MEI1: variants seen among roughly 807,000 people sequenced by gnomAD.
MEI1 encodes the protein meiosis inhibitor protein 1.
In MEI1, 103 loss-of-function variants were observed where a neutral mutation model predicts 146.2. That is an observed-to-expected ratio of 0.70 (90% CI 0.60 to 0.83). The LOEUF (loss-of-function observed/expected upper bound fraction) is 0.83. Among genes scored for constraint, MEI1 ranks in the 40% least tolerant of loss-of-function variants. MEI1 has a pLI of 0.00. For missense variants in MEI1, 1,529 were observed against 1,533.0 expected (o/e 1.00, Z 0.04); for synonymous variants, 652 against 628.2 (o/e 1.04, Z -0.57).
intron 6 of MEI1, among the ~76,000 whole-genome samples, chr22:41,719,301 C>T (rs1181060625): frequency 6.6e-6 from 1 of 152,062 alleles, no homozygotes; most frequent in East Asian, 1.9e-4. Context: ...ATTCTTATGC[C>T]TCAGCCTCCT....
intron 17 of MEI1, among the ~76,000 whole-genome samples, chr22:41,757,105 CTTTT>C (rs1396439549): frequency 6.6e-6 from 1 of 151,904 alleles, no homozygotes; most frequent in African/African-American, 2.4e-5. Flanking sequence ...TTCTTTCTTT[CTTTT>C]TTTGAGACGG....
At position 41,745,929 on chromosome 22, in the gene MEI1, C is replaced by T. The variant is rs913004878; in HGVS notation, c.1583C>T (p.Pro528Leu). The change falls in exon 14 of 31, where the codon CCA (proline) becomes CTA (leucine). Residue 528 changes from proline (P) to leucine (L), a missense_variant. Transcript: ENST00000401548. ...FQSEPSAQEN[P>L]FTAPSAKKED... is the part of the protein sequence containing the mutation. ...AGTGAGCCTTCAGCCCAGGAGAATC[C>T]ATTCACAGCTCCCAGCGCCAAGAAG... 3.7e-6 allele frequency: 6 copies of T among 1,613,358 alleles called. No homozygotes were observed. In the Admixed American group the frequency reaches 1.0e-4, roughly 27 times the overall value.
At chr22:41,768,764 G>C (rs986598620) in intron 19 of MEI1, among the ~76,000 whole-genome samples, 1 of 152,118 alleles carries the variant, frequency 6.6e-6, no homozygotes, top group Non-Finnish European at 1.5e-5. Flanking sequence ...AACAGCAACG[G>C]GGAGGTCCAC....
At chr22:41,730,727 C>T in intron 9 of MEI1, 90 bp downstream of exon 9, 7 of 797,608 alleles carry the variant, frequency 8.8e-6, no homozygotes, top group Non-Finnish European at 1.6e-5. Context: ...GGCTAGCCTC[C>T]ACCTTGGAGG....
chr22:41,786,275 G>A (rs1761379572), intron 26 of MEI1, among the ~76,000 whole-genome samples: 1 of 152,104 alleles, frequency 6.6e-6, no homozygotes, highest in Non-Finnish European at 1.5e-5. Flanking sequence ...CGAACTCCTG[G>A]CCTCAAGTGA....
At chr22:41,783,268 C>T (rs559218028) in intron 24 of MEI1, among the ~76,000 whole-genome samples, 1 of 152,164 alleles carries the variant, frequency 6.6e-6, no homozygotes, top group South Asian at 2.1e-4. Flanking sequence ...CCCCCCTCAC[C>T]CCCGACACAC....
intron 11 of MEI1, among the ~76,000 whole-genome samples, chr22:41,735,461 C>T (rs912028683): frequency 2.0e-5 from 3 of 151,968 alleles, no homozygotes; most frequent in African/African-American, 7.3e-5. Flanking sequence ...CTCGAACTGC[C>T]GACCTCAGGT....
intron 20 of MEI1, among the ~76,000 whole-genome samples, chr22:41,771,189 T>C (rs1463396810): frequency 6.6e-6 from 1 of 152,208 alleles, no homozygotes; most frequent in Non-Finnish European, 1.5e-5. Flanking sequence ...AACTGAGAGA[T>C]GTGTGCCTCT....
chr22:41,729,076 A>G (rs2071616271), intron 7 of MEI1, among the ~76,000 whole-genome samples: 1 of 148,368 alleles, frequency 6.7e-6, no homozygotes, highest in Middle Eastern at 3.5e-3. Context: ...AGGCAGAAGA[A>G]TCGCTTGAAC....
chr22:41,778,222 G>A (rs1225248957), intron 21 of MEI1, among the ~76,000 whole-genome samples: 1 of 152,142 alleles, frequency 6.6e-6, no homozygotes, highest in African/African-American at 2.4e-5. Context: ...TCTTTCAAAA[G>A]GCCACTCATC....
At chr22:41,760,076 G>A (rs1273377218) in intron 18 of MEI1, among the ~76,000 whole-genome samples, 3 of 152,080 alleles carry the variant, frequency 2.0e-5, no homozygotes, top group Admixed American at 1.3e-4. Flanking sequence ...TTGGGAGGCC[G>A]AGATGGGTGG....
At chr22:41,723,826 T>A (rs188513418) in intron 6 of MEI1, 117 bp from the exon 7 acceptor site, 3 of 1,282,214 alleles carry the variant, frequency 2.3e-6, no homozygotes, top group East Asian at 5.1e-5. Flanking sequence ...TTCTAACCAT[T>A]CTTCATATTT....
intron 20 of MEI1, among the ~76,000 whole-genome samples, chr22:41,773,983 G>T (rs1244874026): frequency 6.6e-6 from 1 of 152,206 alleles, no homozygotes; most frequent in Non-Finnish European, 1.5e-5. Context: ...AGGAAAAAGA[G>T]TCTAAAAATT....
intron 26 of MEI1, among the ~76,000 whole-genome samples, chr22:41,789,181 G>A (rs9607840): frequency 0.082 from 12,400 of 152,022 alleles, 1,393 homozygotes; most frequent in African/African-American, 0.26. Context: ...GCGTGGTGGC[G>A]CGCACCTGTA....
rs1184210752 is a variant in MEI1 at position 41,705,536 on chromosome 22, A to T, written c.331A>T (p.Thr111Ser). ...ATGCAGCATGGAAGATGGGAGTGTG[A>T]CAGACCTCTGTATTGAAGGTAAGTT... ...LLCSMEDGSV[T>S]DLCIEVLIQI... The change falls in exon 3 of 31, where the codon ACA becomes TCA. Residue 111 changes from threonine to serine, a missense_variant. This residue lies in a region of MEI1 where 1,212 missense variants were observed against 1,178.9 expected (regional missense o/e 1.03). Transcript: ENST00000401548. The T allele has an allele frequency of 6.2e-7, 1 of 1,613,600 alleles. No homozygotes were observed. The highest frequency in any genetic ancestry group is 1.1e-5 in the South Asian group (1 of 91,076).
rs2070379511 is a variant in MEI1, at chr22:41,718,066, G to T, written c.530-5G>T. The T allele has an allele frequency of 6.3e-7, 1 of 1,590,942 alleles. No individual in the cohort carries two copies. Among genetic ancestry groups the T allele is most frequent in the Non-Finnish European group, 8.6e-7 (1 of 1,166,788 alleles). ...CCCTTGGCTCCTTGGTTGTTTTCTG[G>T]ACAGGCAACCTGATGGAGCATCTGT... On this transcript the variant is annotated splice_polypyrimidine_tract_variant and splice_region_variant and intron_variant, in intron 5 of 30. Transcript: ENST00000401548.
rs5758460 is a variant in MEI1 at position 41,763,405 on chromosome 22, T to C, written c.2268+84T>C. 2,117 of 1,483,192 alleles carry C rather than the reference T, an allele frequency of 1.4e-3. 60 individuals carry two copies. The East Asian group carries it at 0.038, about 27-fold the overall frequency. 91.9% of individuals were successfully genotyped at this position (1,483,192 alleles called of 1,614,324 possible). ...CTGGGAGACCATGATGATGATAGTG[T>C]ATAGACAAGCGGGTGGTAGAGAGAG... On this transcript the variant is annotated intron_variant, in intron 19 of 30. Transcript: ENST00000401548.
intron 12 of MEI1, among the ~76,000 whole-genome samples, chr22:41,743,712 T>A (rs2073065886): frequency 6.6e-6 from 1 of 152,192 alleles, no homozygotes; most frequent in African/African-American, 2.4e-5. Flanking sequence ...CTAAGCTCTT[T>A]ACACCTGATG....
intron 6 of MEI1, among the ~76,000 whole-genome samples, chr22:41,722,312 T>G (rs538018271): frequency 6.6e-6 from 1 of 152,044 alleles, no homozygotes; most frequent in East Asian, 1.9e-4. Context: ...ATTTACTTAT[T>G]TTTAAAGATG....
Sources: allele counts gnomAD v4.1 joint callset (sites outside exome capture counted in the v4.1 genomes callset), GRCh38; gene constraint gnomAD v4.1.1; regional missense constraint gnomAD v4.1.1; transcripts MANE v1.5; gene names NCBI Gene and HGNC (gene_info 2026-07-23, HGNC 2026-07-21).